The following ECE1 variants were observed in gnomAD, a reference collection of about 807,000 sequenced individuals.
ECE1 encodes endothelin converting enzyme 1, also known as endothelin-converting enzyme 1.
In ECE1, 35 loss-of-function variants were observed where a neutral mutation model predicts 98.6. That is an observed-to-expected ratio of 0.35 (90% CI 0.27 to 0.47). The LOEUF is 0.47. Ranked by LOEUF, ECE1 falls within the 20% of genes least tolerant of loss-of-function variation. The pLI is 1.00. For synonymous variants in ECE1, 394 were observed against 407.1 expected (o/e 0.97, Z 0.39); for missense variants, 814 against 1,025.3 (o/e 0.79, Z 2.81).
intron 3 of ECE1, among the ~76,000 whole-genome samples, chr1:21,273,306 T>C (rs28367953): frequency 0.028 from 4,291 of 152,042 alleles, 180 homozygotes; most frequent in African/African-American, 0.089. Flanking sequence ...TGTGTGTGCA[T>C]GTGTGCACCT....
chr1:21,298,514 T>C lies in ECE1; in HGVS notation c.4-8358A>G, dbSNP rs532906562. ...TGATCATGGTGCCGACCCCAAAGGA[T>C]CCTTACACGTCTTAAAAAAGTGAGC... On this transcript the variant is annotated intron_variant, in intron 1 of 18. Transcript: ENST00000415912. The C allele has an allele frequency of 1.2e-5, 4 of 336,456 alleles. No homozygotes were observed. The East Asian group carries it at 3.0e-4, about 25-fold the overall frequency. 20.8% of individuals were successfully genotyped at this position (336,456 alleles called of 1,614,324 possible).
At chr1:21,254,890 C>T (rs1318495463) in intron 8 of ECE1, among the ~76,000 whole-genome samples, 1 of 152,172 alleles carries the variant, frequency 6.6e-6, no homozygotes, top group African/African-American at 2.4e-5. Context: ...CCTGCATCTC[C>T]GCCTGGGACA....
intron 1 of ECE1, among the ~76,000 whole-genome samples, chr1:21,297,541 T>G (rs1488764012): frequency 6.7e-6 from 1 of 149,326 alleles, no homozygotes; most frequent in Non-Finnish European, 1.5e-5. Flanking sequence ...TTTTTTTTTT[T>G]TTTTTTTTGA....
chr1:21,332,226 C>A (rs1214609970), intron 1 of ECE1, among the ~76,000 whole-genome samples: 1 of 152,058 alleles, frequency 6.6e-6, no homozygotes, highest in East Asian at 1.9e-4. Context: ...CTCTCCAATG[C>A]CATAGTACAA....
chr1:21,253,767 T>A (rs866483227), intron 8 of ECE1, among the ~76,000 whole-genome samples: 8 of 119,292 alleles, frequency 6.7e-5, no homozygotes, highest in South Asian at 2.7e-4. Context: ...TGTCTCAAAT[T>A]AAAAAAAAAA....
chr1:21,342,484 C>T (rs1444924666), intron 1 of ECE1, among the ~76,000 whole-genome samples: 1 of 152,082 alleles, frequency 6.6e-6, no homozygotes, highest in Non-Finnish European at 1.5e-5. Flanking sequence ...ATCCGAGGCC[C>T]TTAAGAACAG....
At chr1:21,272,421 A>G (rs937963305) in intron 4 of ECE1, among the ~76,000 whole-genome samples, 1 of 152,130 alleles carries the variant, frequency 6.6e-6, no homozygotes, top group African/African-American at 2.4e-5. Context: ...CCTCCCGAGT[A>G]GTTGGGACTA....
At chr1:21,267,684 C>G (rs2098235640) in intron 4 of ECE1, among the ~76,000 whole-genome samples, 1 of 152,142 alleles carries the variant, frequency 6.6e-6, no homozygotes, top group Non-Finnish European at 1.5e-5. Flanking sequence ...ATCAATCAAT[C>G]CACGTAACCA....
chr1:21,289,901 A>G (rs2098264589), intron 2 of ECE1, among the ~76,000 whole-genome samples, 169 bp downstream of exon 2: 1 of 147,538 alleles, frequency 6.8e-6, no homozygotes, highest in Non-Finnish European at 1.5e-5. Flanking sequence ...AAGGCTTCTC[A>G]GCGCGGAGCT....
At chr1:21,273,004 T>A in intron 3 of ECE1, 93 bp from the exon 4 acceptor site, 1 of 1,392,812 alleles carries the variant, frequency 7.2e-7, no homozygotes, top group East Asian at 2.3e-5. Flanking sequence ...GGGCCACATG[T>A]CCCACCCTGG....
In ECE1 at chr1:21,342,607, TACACACAC is replaced by T. The variant is rs71014187; in HGVS notation, c.3+2761_3+2768del. Reference sequence around the variant, plus strand: ...ACACAGACACACAGACACACACAGATACACACACACACACACACACACACACACACACA... The same window carrying T: ...ACACAGACACACAGACACACACAGATACACACACACACACACACACACACA... On this transcript the variant is annotated intron_variant, in intron 1 of 18. Coordinates refer to the ECE1 transcript ENST00000415912. Among the ~76,000 whole-genome samples the T allele has an allele frequency of 4.3e-3, 606 of 139,808 alleles. 2 individuals are homozygous for T. Among genetic ancestry groups the T allele is most frequent in the South Asian group, 7.4e-3 (33 of 4,444 alleles). The allele number at this position is 139,808 out of a possible 152,430, so 91.7% of individuals were successfully genotyped here. A position where few individuals can be genotyped will look rare whatever the true frequency, so the allele number is the denominator to read the frequency against.
chr1:21,257,787 C>T (rs1017574408), intron 6 of ECE1, among the ~76,000 whole-genome samples, 197 bp from the exon 7 acceptor site: 4 of 136,096 alleles, frequency 2.9e-5, no homozygotes, highest in Admixed American at 7.2e-5. Flanking sequence ...TCCACGTGGC[C>T]CCCCCCCGCA....
chr1:21,329,608 C>T (rs1456968126), intron 1 of ECE1, among the ~76,000 whole-genome samples: 4 of 152,158 alleles, frequency 2.6e-5, no homozygotes, highest in African/African-American at 9.7e-5. Context: ...GAGGAGGTGC[C>T]TTATGCAAAG....
At chr1:21,246,330 T>C (rs2098203460) in intron 9 of ECE1, among the ~76,000 whole-genome samples, 1 of 151,384 alleles carries the variant, frequency 6.6e-6, no homozygotes. Flanking sequence ...TGAAACCCCA[T>C]CTCTACTAAA....
chr1:21,282,191 G>C (rs2098255352), intron 2 of ECE1, among the ~76,000 whole-genome samples: 1 of 152,210 alleles, frequency 6.6e-6, no homozygotes, highest in African/African-American at 2.4e-5. Context: ...TTGGGAGGCT[G>C]AGGTGGGAGG....
At chr1:21,285,502 GA>G (rs2098259470) in intron 2 of ECE1, among the ~76,000 whole-genome samples, 1 of 152,066 alleles carries the variant, frequency 6.6e-6, no homozygotes, top group South Asian at 2.1e-4. Context: ...TTAAAGTATT[GA>G]GCGGGCTTGT....
In ECE1 at chr1:21,220,067, G is replaced by A; in HGVS notation, c.2201C>T (p.Pro734Leu). ...GGAGCCGATGACCCGGAAGCGAGAG[G>A]GGCTGTGGGGATCGGTGATGAGGCC... ...HEGLITDPHS[P>L]SRFRVIGSLS... The change falls in exon 19 of 19, where the codon CCC becomes CTC. Residue 734 changes from proline to leucine, a missense_variant. Physicochemically the swap from Pro to Leu is moderately conservative, Grantham distance 98. Coordinates refer to ENST00000374893, the MANE Select transcript of ECE1 (RefSeq NM_001397.3). The surrounding 1 kb of genome is among the most constrained non-coding windows in gnomAD (Gnocchi z 5.0). 1 of 1,614,204 alleles carries A rather than the reference G, an allele frequency of 6.2e-7. No homozygotes were observed. Among genetic ancestry groups the A allele is most frequent in the Non-Finnish European group, 8.5e-7 (1 of 1,180,046 alleles).
chr1:21,310,497 G>A (rs1176261367), intron 1 of ECE1, among the ~76,000 whole-genome samples: 1 of 152,170 alleles, frequency 6.6e-6, no homozygotes, highest in Non-Finnish European at 1.5e-5. Context: ...CTCAGTAGGC[G>A]TGTCCCATGC....
chr1:21,233,535 C>T lies in ECE1; in HGVS notation c.1670+23G>A, dbSNP rs750946013. 5.6e-6 allele frequency: 9 copies of T among 1,609,966 alleles called. No individual in the cohort carries two copies. In the East Asian group the frequency reaches 8.9e-5, roughly 16 times the overall value. ...CACAGGTGGGGAGCTGGCACCTTGC[C>T]GGCAGGGCCTGGGGGAACTCACTGA... is the stretch of plus-strand genomic sequence containing the variant. On this transcript the variant is annotated intron_variant, in intron 14 of 18. Coordinates refer to ENST00000374893, the MANE Select transcript of ECE1 (RefSeq NM_001397.3). This position sits in a 1 kb window ranked among gnomAD's most constrained non-coding sequence, Gnocchi z 4.0.
Sources: allele counts gnomAD v4.1 joint callset (sites outside exome capture counted in the v4.1 genomes callset), GRCh38; gene constraint gnomAD v4.1.1; non-coding constraint Gnocchi (gnomAD v3.1); transcripts MANE v1.5; gene names NCBI Gene and HGNC (gene_info 2026-07-23, HGNC 2026-07-21).